WDFY4: variants seen among roughly 807,000 people sequenced by gnomAD.
WDFY4 encodes the protein WDFY family member 4, also known as WD repeat- and FYVE domain-containing protein 4.
In WDFY4, 169 loss-of-function variants were observed where a neutral mutation model predicts 351.9. That is an observed-to-expected ratio of 0.48 (90% CI 0.42 to 0.55). The LOEUF (loss-of-function observed/expected upper bound fraction) is 0.55. Among genes scored for constraint, WDFY4 ranks in the 20% least tolerant of loss-of-function variants. The pLI, the probability that WDFY4 is intolerant of heterozygous loss-of-function variation, is 0.00. For missense variants in WDFY4, 3,803 were observed against 3,935.6 expected, an observed-to-expected ratio of 0.97 and a Z score of 0.90; for synonymous variants, 1,622 against 1,574.6, an observed-to-expected ratio of 1.03 and a Z score of -0.71.
At chr10:48,947,468 C>A (rs556544997) in intron 51 of WDFY4, among the ~76,000 whole-genome samples, 22 of 152,140 alleles carry the variant, frequency 1.4e-4, no homozygotes, top group Non-Finnish European at 2.8e-4. Context: ...AGCTTACGGT[C>A]GCCAGGTTTA....
rs528479244 is a variant in WDFY4, at chr10:48,870,061, G to T, written c.6741+2719G>T. Among the ~76,000 whole-genome samples the T allele has an allele frequency of 9.2e-5, 14 of 152,274 alleles. No individual in the cohort carries two copies. The South Asian group carries it at 1.9e-3, about 20-fold the overall frequency. ...TGAGGGTGCCATTCCCAGCCCTAGG[G>T]GGTGGTGCCTGTTGGCCCATCCTAT... is the stretch of plus-strand genomic sequence containing the variant. On this transcript the variant is annotated intron_variant, in intron 40 of 61. Transcript: ENST00000325239.
rs1841034112 is a variant in WDFY4, at chr10:48,946,168, C to A, written c.7867+11C>A. ...TTGAGAAAACTGAAGGTGAGTAGATCCAGCTTGATTTTTGGTGCAGTGTTA... is the reference window on the plus strand; with the variant it reads ...TTGAGAAAACTGAAGGTGAGTAGATACAGCTTGATTTTTGGTGCAGTGTTA... On this transcript the variant is annotated intron_variant, in intron 50 of 61. Coordinates refer to ENST00000325239, the MANE Select transcript of WDFY4 (RefSeq NM_001394531.1). The A allele has an allele frequency of 2.0e-6, 3 of 1,534,480 alleles. No homozygotes were observed. The highest frequency in any genetic ancestry group is 2.8e-5 in the African/African-American group (2 of 72,378).
intron 39 of WDFY4, among the ~76,000 whole-genome samples, chr10:48,859,747 T>C (rs1285146902): frequency 2.6e-5 from 4 of 152,228 alleles, no homozygotes; most frequent in Non-Finnish European, 5.9e-5. Flanking sequence ...TCTCCTACTC[T>C]ATTTTCTAGA....
intron 12 of WDFY4, among the ~76,000 whole-genome samples, chr10:48,755,515 T>A (rs1038498356): frequency 6.6e-6 from 1 of 152,230 alleles, no homozygotes; most frequent in Admixed American, 6.5e-5. Flanking sequence ...TGTTTTGAGC[T>A]ACTTTTTGTA....
chr10:48,879,797 T>A (rs1421910163), intron 43 of WDFY4, among the ~76,000 whole-genome samples: 1 of 152,162 alleles, frequency 6.6e-6, no homozygotes, highest in Non-Finnish European at 1.5e-5. Context: ...CCCACCTCCC[T>A]TACCCTGTGG....
rs1554824240 is a variant in WDFY4, at chr10:48,974,519, A to AACAAC, written c.8929-342_8929-341insCAACA. Among the ~76,000 whole-genome samples, 6 of 49,924 alleles carry AACAAC rather than the reference A, an allele frequency of 1.2e-4. 2 individuals carry two copies. The highest frequency in any genetic ancestry group is 1.1e-4 in the Non-Finnish European group (3 of 27,748). The allele number at this position is 49,924 out of a possible 152,430, so 32.8% of individuals were successfully genotyped here. On this transcript the variant is annotated intron_variant, in intron 57 of 61. Transcript: ENST00000325239. ...CTCCGTCTCAAAAAAAAAAAAAAAA[A>AACAAC]AAAAAAAAAACAACTCATGACATGA...
At chr10:48,808,893 A>G (rs1436115488) in intron 28 of WDFY4, among the ~76,000 whole-genome samples, 1 of 152,230 alleles carries the variant, frequency 6.6e-6, no homozygotes, top group African/African-American at 2.4e-5. Flanking sequence ...TAAGCCCTGT[A>G]TGCCTCTCTC....
chr10:48,798,866 A>G (rs1038019917), intron 24 of WDFY4, among the ~76,000 whole-genome samples: 11 of 152,240 alleles, frequency 7.2e-5, no homozygotes, highest in Admixed American at 4.6e-4. Context: ...CCAGGCCAAG[A>G]TGAATGTCCT....
At chr10:48,828,589 G>A (rs751670354) in intron 36 of WDFY4, among the ~76,000 whole-genome samples, 189 bp from the exon 37 acceptor site, 12 of 152,176 alleles carry the variant, frequency 7.9e-5, no homozygotes, top group Non-Finnish European at 1.8e-4. Flanking sequence ...CTACTATTCA[G>A]AATGCCACTC....
At chr10:48,687,933 C>T (rs1213316872) in intron 1 of WDFY4, among the ~76,000 whole-genome samples, 1 of 152,184 alleles carries the variant, frequency 6.6e-6, no homozygotes, top group Non-Finnish European at 1.5e-5. Context: ...TGGCGTGCGC[C>T]ACCACATCTG....
At chr10:48,929,567 G>A (rs1839864920) in intron 47 of WDFY4, among the ~76,000 whole-genome samples, 1 of 152,162 alleles carries the variant, frequency 6.6e-6, no homozygotes, top group Admixed American at 6.5e-5. Flanking sequence ...TATTGTGCTG[G>A]TCTACACTCA....
intron 48 of WDFY4, among the ~76,000 whole-genome samples, chr10:48,942,124 C>G (rs1422587311): frequency 6.6e-6 from 1 of 152,124 alleles, no homozygotes; most frequent in East Asian, 1.9e-4. Context: ...ACCACTAGGC[C>G]AAGCGAATTT....
At chr10:48,906,790 T>C (rs1372418038) in intron 47 of WDFY4, among the ~76,000 whole-genome samples, 2 of 152,174 alleles carry the variant, frequency 1.3e-5, no homozygotes, top group African/African-American at 4.8e-5. Flanking sequence ...CCTTTAACAA[T>C]TACCCAACCC....
intron 19 of WDFY4, among the ~76,000 whole-genome samples, chr10:48,781,485 G>C (rs1314617760): frequency 6.6e-6 from 1 of 151,872 alleles, no homozygotes; most frequent in African/African-American, 2.4e-5. Flanking sequence ...TAGTAGAGAC[G>C]GGGTTTCACC....
intron 47 of WDFY4, among the ~76,000 whole-genome samples, chr10:48,924,261 G>A (rs1439115624): frequency 6.6e-6 from 1 of 152,188 alleles, no homozygotes; most frequent in African/African-American, 2.4e-5. Context: ...AGTTATAGAA[G>A]GCAGAGTGTG....
Position 48,957,222 on chromosome 10 carries a change from C to T in WDFY4, c.8071C>T (p.Leu2691=), listed in dbSNP as rs1271040692. 6.4e-7 allele frequency: 1 copy of T among 1,551,702 alleles called. No homozygotes were observed. Among genetic ancestry groups the T allele is most frequent in the South Asian group, 1.2e-5 (1 of 84,060 alleles). ...SRENMSDVRE[L]TPEFFYLPEF... ...AGAGAACATGAGTGACGTCAGGGAGCTGACCCCAGAGTTCTTCTACCTGCC... is the reference window on the plus strand; with the variant it reads ...AGAGAACATGAGTGACGTCAGGGAGTTGACCCCAGAGTTCTTCTACCTGCC... The change falls in exon 52 of 62, where the codon CTG becomes TTG. Residue 2691 remains leucine (L), a synonymous_variant. Transcript: ENST00000325239.
intron 49 of WDFY4, among the ~76,000 whole-genome samples, chr10:48,943,846 C>T (rs553200843): frequency 6.6e-6 from 1 of 152,320 alleles, no homozygotes; most frequent in South Asian, 2.1e-4. Context: ...TCTCCCGCCT[C>T]GGCCTCCCAA....
intron 1 of WDFY4, among the ~76,000 whole-genome samples, chr10:48,689,665 G>A (rs2063145291): frequency 1.3e-5 from 2 of 152,260 alleles, no homozygotes; most frequent in South Asian, 4.1e-4. Flanking sequence ...GCCTTTAGAG[G>A]AATGATACTT....
intron 32 of WDFY4, among the ~76,000 whole-genome samples, chr10:48,819,543 G>A (rs1253699063): frequency 3.3e-5 from 5 of 152,190 alleles, no homozygotes; most frequent in Admixed American, 1.3e-4. Flanking sequence ...AGGAGTCCCT[G>A]GCCGCGTGTC....
Sources: gnomAD v4.1 joint callset for allele counts (sites outside exome capture counted in the v4.1 genomes callset) on GRCh38, gnomAD v4.1.1 for gene constraint, MANE v1.5 for transcripts, NCBI Gene and HGNC (gene_info 2026-07-23, HGNC 2026-07-21) for gene names.